PRKG1: variants seen among roughly 807,000 people sequenced by gnomAD.
The protein encoded by PRKG1 is cGMP-dependent protein kinase 1.
Under a neutral mutation model 88.1 loss-of-function variants are expected in PRKG1, and 35 were observed. The observed-to-expected ratio is 0.40, with a 90% CI of 0.30 to 0.53. PRKG1 has a LOEUF of 0.53. PRKG1 is among the 20% of genes least tolerant of loss of function. The probability of loss-of-function intolerance (pLI) is 0.59; values close to 1 mark genes in which losing one functional copy is unlikely to be tolerated. For missense variants in PRKG1, 540 were observed against 839.8 expected, an observed-to-expected ratio of 0.64 and a Z score of 4.41; for synonymous variants, 303 against 292.5, an observed-to-expected ratio of 1.04 and a Z score of -0.37.
intron 3 of PRKG1, among the ~76,000 whole-genome samples, chr10:51,678,219 C>T (rs371286202): frequency 3.9e-5 from 6 of 152,232 alleles, no homozygotes; most frequent in South Asian, 2.1e-4. Flanking sequence ...ATTCTTGACA[C>T]GCTGGGGCTC....
intron 3 of PRKG1, among the ~76,000 whole-genome samples, chr10:51,572,376 A>G (rs1230533528): frequency 6.6e-6 from 1 of 151,908 alleles, no homozygotes; most frequent in Non-Finnish European, 1.5e-5. Context: ...TTGATATTTT[A>G]CAAGGTGCAC....
At chr10:52,281,061 G>A (rs1014073802) in intron 13 of PRKG1, 131 bp downstream of exon 13, 2 of 1,075,282 alleles carry the variant, frequency 1.9e-6, no homozygotes, top group Non-Finnish European at 1.3e-6. Context: ...GCAGATTTTA[G>A]CATTACACTT....
intron 1 of PRKG1, among the ~76,000 whole-genome samples, chr10:51,016,964 G>A (rs1180344804): frequency 5.3e-5 from 8 of 151,498 alleles, no homozygotes; most frequent in Non-Finnish European, 1.0e-4. Flanking sequence ...ACCGTGCCTG[G>A]CCTATTATCC....
chr10:51,526,856 CT>C (rs895743603), intron 3 of PRKG1, among the ~76,000 whole-genome samples: 1 of 152,138 alleles, frequency 6.6e-6, no homozygotes, highest in African/African-American at 2.4e-5. Context: ...ACATTAGACC[CT>C]TATTACCATA....
At chr10:52,044,020 C>T (rs1845810252) in intron 5 of PRKG1, among the ~76,000 whole-genome samples, 2 of 151,688 alleles carry the variant, frequency 1.3e-5, no homozygotes, top group Non-Finnish European at 2.9e-5. Context: ...GCAGCCAGTG[C>T]TAGGTCAACA....
chr10:51,313,871 G>A (rs772835098), intron 2 of PRKG1, among the ~76,000 whole-genome samples: 3 of 152,048 alleles, frequency 2.0e-5, no homozygotes, highest in African/African-American at 4.8e-5. Context: ...CTTGGCACAC[G>A]GCAAATTCAA....
chr10:52,094,248 AATTTATGCAATCATTCCTACT>A (rs1463403500), intron 7 of PRKG1, among the ~76,000 whole-genome samples: 1 of 152,178 alleles, frequency 6.6e-6, no homozygotes. Context: ...TATAAAAACA[AATTTATGCAATCATTCCTACT>A]ATTACTAGTT....
At chr10:51,517,226 T>C (rs1267326045) in intron 3 of PRKG1, among the ~76,000 whole-genome samples, 4 of 152,064 alleles carry the variant, frequency 2.6e-5, no homozygotes, top group East Asian at 1.9e-4. Context: ...GAGTGGAAAG[T>C]TGAGAAATGT....
chr10:51,464,867 G>A (rs1350473512), intron 2 of PRKG1, among the ~76,000 whole-genome samples: 2 of 145,938 alleles, frequency 1.4e-5, no homozygotes, highest in Non-Finnish European at 3.0e-5. Context: ...CTCCAGCCTG[G>A]GCGACAGAGC....
At chr10:51,981,441 C>T (rs1844007340) in intron 5 of PRKG1, among the ~76,000 whole-genome samples, 1 of 151,964 alleles carries the variant, frequency 6.6e-6, no homozygotes, top group Non-Finnish European at 1.5e-5. Flanking sequence ...AAAAAATTAG[C>T]CAGGCATAGT....
chr10:51,172,616 G>C (rs189248679), intron 2 of PRKG1, among the ~76,000 whole-genome samples: 1,157 of 39,062 alleles, frequency 0.03, 19 homozygotes, highest in African/African-American at 0.13. Flanking sequence ...ATGTATGTAT[G>C]TATGTATGTA....
chr10:51,837,951 C>A (rs1244130070), intron 4 of PRKG1, among the ~76,000 whole-genome samples: 1 of 152,122 alleles, frequency 6.6e-6, no homozygotes, highest in African/African-American at 2.4e-5. Context: ...GTTGCTGCAT[C>A]CATTGTTCGT....
intron 1 of PRKG1, among the ~76,000 whole-genome samples, chr10:51,084,124 G>A (rs765699155): frequency 1.2e-4 from 19 of 152,152 alleles, no homozygotes; most frequent in Admixed American, 6.6e-5. Context: ...AAGGCTACCC[G>A]GAGGATTGGG....
chr10:51,251,094 A>G (rs937792332), intron 2 of PRKG1, among the ~76,000 whole-genome samples: 4 of 151,778 alleles, frequency 2.6e-5, no homozygotes, highest in African/African-American at 9.7e-5. Context: ...TCACTGATAC[A>G]CATGAACCCA....
chr10:51,454,215 A>T (rs1960405), intron 2 of PRKG1, among the ~76,000 whole-genome samples: 69 of 151,814 alleles, frequency 4.5e-4, no homozygotes, highest in African/African-American at 1.4e-3. Flanking sequence ...AAATACCATC[A>T]GTGTTCTTCA....
At chr10:51,119,286 T>A (rs928902849) in intron 1 of PRKG1, among the ~76,000 whole-genome samples, 1 of 152,110 alleles carries the variant, frequency 6.6e-6, no homozygotes, top group Non-Finnish European at 1.5e-5. Flanking sequence ...TCACAGTCTT[T>A]GAGTTATTGA....
intron 1 of PRKG1, among the ~76,000 whole-genome samples, chr10:51,022,244 C>A (rs1167081529): frequency 6.6e-6 from 1 of 152,108 alleles, no homozygotes; most frequent in Non-Finnish European, 1.5e-5. Context: ...CCCATAGCCT[C>A]AATTGCATGG....
chr10:52,264,467 A>C (rs1841521876), intron 10 of PRKG1, among the ~76,000 whole-genome samples: 1 of 151,900 alleles, frequency 6.6e-6, no homozygotes, highest in African/African-American at 2.4e-5. Flanking sequence ...AAATTCCTTA[A>C]GTTATCACAA....
At chr10:51,680,198 G>A (rs771371127) in intron 3 of PRKG1, among the ~76,000 whole-genome samples, 1 of 151,960 alleles carries the variant, frequency 6.6e-6, no homozygotes, top group Non-Finnish European at 1.5e-5. Context: ...ATAAAAGGTA[G>A]CTGATAAGAA....
Sources: gnomAD v4.1 joint callset for allele counts (sites outside exome capture counted in the v4.1 genomes callset) on GRCh38, gnomAD v4.1.1 for gene constraint, MANE v1.5 for transcripts, NCBI Gene and HGNC (gene_info 2026-07-23, HGNC 2026-07-21) for gene names.